GABRB1: variants seen among roughly 807,000 people sequenced by gnomAD.
GABRB1 encodes the protein gamma-aminobutyric acid type A receptor subunit beta1.
A neutral mutation model predicts 51.6 loss-of-function variants in GABRB1; 17 were observed. The ratio of observed to expected loss-of-function variants is 0.33; its 90% CI spans 0.23 to 0.49. GABRB1 has a LOEUF of 0.49. GABRB1 is among the 20% of genes least tolerant of loss of function. GABRB1 has a pLI of 0.99. For synonymous variants in GABRB1, 247 were observed against 218.9 expected (o/e 1.13, Z -1.14); for missense variants, 410 against 600.6 (o/e 0.68, Z 3.32).
chr4:47,376,694 A>C (rs911822692), intron 5 of GABRB1, among the ~76,000 whole-genome samples: 5 of 152,170 alleles, frequency 3.3e-5, no homozygotes, highest in African/African-American at 1.2e-4. Flanking sequence ...AGCAGGAAGA[A>C]GTTCTTGGGA....
At chr4:47,174,577 T>C (rs1444046257) in intron 4 of GABRB1, among the ~76,000 whole-genome samples, 3 of 151,980 alleles carry the variant, frequency 2.0e-5, no homozygotes, top group African/African-American at 7.2e-5. Flanking sequence ...TCTTCAAAAA[T>C]AGTTTAAAGA....
chr4:47,358,389 GTATA>G (rs766806108), intron 5 of GABRB1, among the ~76,000 whole-genome samples: 8 of 149,608 alleles, frequency 5.3e-5, no homozygotes, highest in African/African-American at 1.5e-4. Context: ...GTGTATATAT[GTATA>G]TATATATATA....
At chr4:47,017,919 A>G (rs746134980) in intron 1 of GABRB1, among the ~76,000 whole-genome samples, 1 of 152,190 alleles carries the variant, frequency 6.6e-6, no homozygotes, top group Non-Finnish European at 1.5e-5. Flanking sequence ...TCAGATTTGA[A>G]TTATTGACTT....
chr4:47,076,636 C>T (rs778356294), intron 3 of GABRB1, among the ~76,000 whole-genome samples: 16 of 151,726 alleles, frequency 1.1e-4, no homozygotes, highest in Non-Finnish European at 1.6e-4. Context: ...AGCCAGCAGC[C>T]GATTACATGG....
chr4:47,277,670 T>C (rs1723139445), intron 4 of GABRB1, among the ~76,000 whole-genome samples: 1 of 151,884 alleles, frequency 6.6e-6, no homozygotes, highest in African/African-American at 2.4e-5. Flanking sequence ...TTAATAAAAA[T>C]TTTAAATATA....
intron 4 of GABRB1, among the ~76,000 whole-genome samples, chr4:47,249,846 G>T (rs985132400): frequency 6.6e-6 from 1 of 152,192 alleles, no homozygotes; most frequent in Non-Finnish European, 1.5e-5. Context: ...TCTCCTGAAG[G>T]CAGCAGATAG....
At chr4:47,036,989 G>A (rs1725603769) in intron 3 of GABRB1, among the ~76,000 whole-genome samples, 1 of 152,238 alleles carries the variant, frequency 6.6e-6, no homozygotes, top group East Asian at 1.9e-4. Context: ...TAAAGGGAAA[G>A]TTAATGCCAT....
chr4:47,061,707 G>A (rs916878373), intron 3 of GABRB1, among the ~76,000 whole-genome samples: 3 of 152,134 alleles, frequency 2.0e-5, no homozygotes, highest in Non-Finnish European at 2.9e-5. Context: ...GCAAGCAAAC[G>A]TCTCGTCTTC....
intron 3 of GABRB1, among the ~76,000 whole-genome samples, chr4:47,037,800 C>T (rs959959033): frequency 6.6e-6 from 1 of 152,076 alleles, no homozygotes; most frequent in African/African-American, 2.4e-5. Flanking sequence ...CTTACCCCTC[C>T]CCACCATTAC....
chr4:47,403,353 A>G lies in GABRB1; in HGVS notation c.580A>G (p.Asn194Asp). The G allele has an allele frequency of 1.2e-6, 2 of 1,613,940 alleles. No homozygotes were observed. Among genetic ancestry groups the G allele is most frequent in the Non-Finnish European group, 1.7e-6 (2 of 1,179,892 alleles). ...YTTDDIEFYWNGGEGAVTGVN... is the reference protein window; with the variant it reads ...YTTDDIEFYWDGGEGAVTGVN... Reference sequence around the variant, plus strand: ...CACTGATGACATTGAATTTTACTGGAATGGAGGAGAAGGGGCAGTCACTGG... The same window carrying G: ...CACTGATGACATTGAATTTTACTGGGATGGAGGAGAAGGGGCAGTCACTGG... Residue 194 changes from asparagine to aspartate, a missense_variant, in exon 6 of 9, where the codon AAT becomes GAT. Physicochemically the swap from Asn to Asp is conservative, Grantham distance 23. This residue lies in a region of GABRB1 where 36 missense variants were observed against 39.7 expected (regional missense o/e 0.91). Coordinates refer to ENST00000295454, the MANE Select transcript of GABRB1 (RefSeq NM_000812.4).
At chr4:47,164,632 C>T (rs151118042) in intron 4 of GABRB1, among the ~76,000 whole-genome samples, 2 of 152,158 alleles carry the variant, frequency 1.3e-5, no homozygotes, top group East Asian at 1.9e-4. Flanking sequence ...ATCGTAACAG[C>T]ATGTCATTAA....
intron 4 of GABRB1, among the ~76,000 whole-genome samples, chr4:47,200,055 C>CTGTCAATG (rs1719839390): frequency 6.6e-6 from 1 of 152,088 alleles, no homozygotes; most frequent in Non-Finnish European, 1.5e-5. Context: ...GGTAAGAGAG[C>CTGTCAATG]TGTCAATGTA....
At chr4:47,039,049 A>G (rs1725717527) in intron 3 of GABRB1, among the ~76,000 whole-genome samples, 1 of 152,078 alleles carries the variant, frequency 6.6e-6, no homozygotes, top group South Asian at 2.1e-4. Context: ...AGCATTTAAC[A>G]ATCTATTATT....
At chr4:47,109,263 T>G (rs930951787) in intron 3 of GABRB1, among the ~76,000 whole-genome samples, 4 of 152,028 alleles carry the variant, frequency 2.6e-5, no homozygotes, top group Non-Finnish European at 5.9e-5. Flanking sequence ...GAATAAATAA[T>G]GGAATAGAAC....
At chr4:47,184,876 A>G (rs1719107499) in intron 4 of GABRB1, among the ~76,000 whole-genome samples, 1 of 151,818 alleles carries the variant, frequency 6.6e-6, no homozygotes, top group Non-Finnish European at 1.5e-5. Flanking sequence ...GTTTTTGAAT[A>G]TTATATCTTT....
chr4:47,195,239 C>T (rs971124168), intron 4 of GABRB1, among the ~76,000 whole-genome samples: 2 of 151,804 alleles, frequency 1.3e-5, no homozygotes, highest in Non-Finnish European at 2.9e-5. Context: ...TTGTGGCGGG[C>T]GCCTGTAGTC....
intron 4 of GABRB1, among the ~76,000 whole-genome samples, chr4:47,189,676 G>A (rs1396628115): frequency 6.6e-6 from 1 of 151,738 alleles, no homozygotes; most frequent in Non-Finnish European, 1.5e-5. Context: ...AGGTTTTGTT[G>A]AAGAGCTAAA....
At chr4:47,089,919 G>A (rs1025405232) in intron 3 of GABRB1, among the ~76,000 whole-genome samples, 3 of 152,148 alleles carry the variant, frequency 2.0e-5, no homozygotes, top group African/African-American at 4.8e-5. Context: ...AAAGATCTCA[G>A]TTCTCATCAC....
intron 5 of GABRB1, among the ~76,000 whole-genome samples, chr4:47,352,403 C>T (rs893434474): frequency 4.6e-5 from 7 of 152,136 alleles, no homozygotes; most frequent in African/African-American, 9.7e-5. Context: ...AGAATCCTCC[C>T]GAACTCATTT....
Sources: allele counts gnomAD v4.1 joint callset (sites outside exome capture counted in the v4.1 genomes callset), GRCh38; gene constraint gnomAD v4.1.1; regional missense constraint gnomAD v4.1.1; transcripts MANE v1.5; gene names NCBI Gene and HGNC (gene_info 2026-07-23, HGNC 2026-07-21).